Variants in KCND2 observed in about 807,000 individuals in gnomAD.
KCND2 encodes potassium voltage-gated channel subfamily D member 2, also known as A-type voltage-gated potassium channel KCND2.
KCND2 carries 16 observed loss-of-function variants against 54.4 expected under a neutral mutation model. That is an observed-to-expected ratio of 0.29 (90% CI 0.20 to 0.45). The LOEUF (loss-of-function observed/expected upper bound fraction) is 0.45, where lower values mean the gene tolerates loss of function less well. Ranked by LOEUF, KCND2 falls within the 20% of genes least tolerant of loss-of-function variation. KCND2 has a pLI of 1.00. For missense variants in KCND2, 486 were observed against 824.2 expected, an observed-to-expected ratio of 0.59 and a Z score of 5.02; for synonymous variants, 317 against 310.7, an observed-to-expected ratio of 1.02 and a Z score of -0.21.
chr7:120,699,912 A>T (rs905004940), intron 1 of KCND2, among the ~76,000 whole-genome samples: 11 of 152,200 alleles, frequency 7.2e-5, no homozygotes, highest in Admixed American at 6.5e-4. Context: ...TTTATGTAAA[A>T]GATATAAAGA....
At chr7:120,544,411 T>C (rs1386830387) in intron 1 of KCND2, among the ~76,000 whole-genome samples, 1 of 151,970 alleles carries the variant, frequency 6.6e-6, no homozygotes, top group African/African-American at 2.4e-5. Flanking sequence ...TTTCCTAAAA[T>C]GGAGTTATAA....
At chr7:120,520,872 A>G (rs1056297372) in intron 1 of KCND2, among the ~76,000 whole-genome samples, 3 of 152,120 alleles carry the variant, frequency 2.0e-5, no homozygotes, top group Non-Finnish European at 4.4e-5. Context: ...GCTTTCTTCC[A>G]TGTAGTGATT....
At chr7:120,598,830 G>T (rs1401020698) in intron 1 of KCND2, among the ~76,000 whole-genome samples, 1 of 152,050 alleles carries the variant, frequency 6.6e-6, no homozygotes, top group African/African-American at 2.4e-5. Flanking sequence ...TGAACATTTA[G>T]ATAGGCAAAT....
intron 1 of KCND2, among the ~76,000 whole-genome samples, chr7:120,682,371 G>T (rs1792150386): frequency 6.6e-6 from 1 of 152,032 alleles, no homozygotes; most frequent in South Asian, 2.1e-4. Context: ...TTCAGTAATG[G>T]TCACATTTCC....
intron 1 of KCND2, among the ~76,000 whole-genome samples, chr7:120,394,705 C>G (rs1801128181): frequency 6.6e-6 from 1 of 151,894 alleles, no homozygotes; most frequent in South Asian, 2.1e-4. Flanking sequence ...GCCCTACACC[C>G]AGGAATAAGC....
intron 1 of KCND2, among the ~76,000 whole-genome samples, chr7:120,425,959 T>TA (rs1220337690): frequency 6.6e-6 from 1 of 150,392 alleles, no homozygotes. Context: ...TTTTTTTTTT[T>TA]AGAACTAGTT....
At chr7:120,631,915 C>T (rs1394146142) in intron 1 of KCND2, among the ~76,000 whole-genome samples, 1 of 152,074 alleles carries the variant, frequency 6.6e-6, no homozygotes, top group Middle Eastern at 3.2e-3. Context: ...ATGTGGTAAG[C>T]ATTGTCCTCA....
chr7:120,293,555 G>T (rs1799467502), intron 1 of KCND2, among the ~76,000 whole-genome samples: 1 of 151,842 alleles, frequency 6.6e-6, no homozygotes, highest in Non-Finnish European at 1.5e-5. Context: ...GATGGACAGA[G>T]GAAAAGGGTC....
Position 120,275,647 on chromosome 7 carries a change from G to T in KCND2, c.1015G>T (p.Ala339Ser). The change falls in exon 1 of 6, where the codon GCT (alanine) becomes TCT (serine). Residue 339 changes from alanine (A) to serine (S), a missense_variant. By Grantham distance (99) the Ala-to-Ser change is moderately conservative (BLOSUM62 1). Coordinates refer to ENST00000331113, the MANE Select transcript of KCND2 (RefSeq NM_012281.3). ...FSLTMAIIIF[A>S]TVMFYAEKGS... ...GCTCACCATGGCTATCATCATCTTCGCTACAGTTATGTTCTACGCAGAGAA... is the reference window on the plus strand; with the variant it reads ...GCTCACCATGGCTATCATCATCTTCTCTACAGTTATGTTCTACGCAGAGAA... The T allele has an allele frequency of 6.2e-7, 1 of 1,607,310 alleles. No homozygotes were observed. Among genetic ancestry groups the T allele is most frequent in the South Asian group, 1.1e-5 (1 of 91,062 alleles).
At chr7:120,295,068 A>G (rs1460138538) in intron 1 of KCND2, among the ~76,000 whole-genome samples, 2 of 151,842 alleles carry the variant, frequency 1.3e-5, no homozygotes, top group Admixed American at 1.3e-4. Context: ...ATAAAGGGGA[A>G]TTATCTTGAC....
intron 1 of KCND2, among the ~76,000 whole-genome samples, chr7:120,689,693 T>C (rs1227093707): frequency 6.6e-6 from 1 of 152,228 alleles, no homozygotes; most frequent in Non-Finnish European, 1.5e-5. Context: ...ACATTGTGCT[T>C]CTTTGTAGCA....
chr7:120,633,215 A>G (rs532211838), intron 1 of KCND2, among the ~76,000 whole-genome samples: 90 of 152,280 alleles, frequency 5.9e-4, no homozygotes, highest in Middle Eastern at 3.4e-3. Context: ...TTTGTAACCA[A>G]TTGCTCTTTT....
chr7:120,644,901 T>C (rs1793419424), intron 1 of KCND2, among the ~76,000 whole-genome samples: 2 of 152,224 alleles, frequency 1.3e-5, no homozygotes, highest in Admixed American at 1.3e-4. Flanking sequence ...ATAATGAATA[T>C]TTATTGAATG....
chr7:120,357,224 A>T (rs1421256013), intron 1 of KCND2, among the ~76,000 whole-genome samples: 2 of 152,148 alleles, frequency 1.3e-5, no homozygotes, highest in Non-Finnish European at 2.9e-5. Flanking sequence ...ACCTCTAATA[A>T]TATTGAAAAG....
chr7:120,530,282 T>A (rs895230908), intron 1 of KCND2, among the ~76,000 whole-genome samples: 15 of 152,230 alleles, frequency 9.9e-5, no homozygotes, highest in Middle Eastern at 3.4e-3. Context: ...CTCATGTAAC[T>A]CATAAATATA....
At chr7:120,720,615 G>T (rs1261451009) in intron 1 of KCND2, among the ~76,000 whole-genome samples, 1 of 152,146 alleles carries the variant, frequency 6.6e-6, no homozygotes, top group Admixed American at 6.6e-5. Context: ...TTTGCATCTT[G>T]TAAGGCAGTT....
rs114471859 is a variant in KCND2 at position 120,425,686 on chromosome 7, C to T, written c.1115+149939C>T. ...GCAACACTGTACTGTAAGCATGCTA[C>T]GAAGACCTGTTCTCTGGTTGTAGAC... On this transcript the variant is annotated intron_variant, in intron 1 of 5. Coordinates refer to ENST00000331113, the MANE Select transcript of KCND2 (RefSeq NM_012281.3). Among the ~76,000 whole-genome samples, 310 of 152,354 alleles carry T rather than the reference C, an allele frequency of 2.0e-3. 1 individual carries two copies. The highest frequency in any genetic ancestry group is 7.2e-3 in the African/African-American group (301 of 41,592).
rs921193062 is a variant in KCND2, at chr7:120,376,318, C to T, written c.1115+100571C>T. Among the ~76,000 whole-genome samples the T allele has an allele frequency of 1.6e-4, 24 of 151,724 alleles. No individual in the cohort carries two copies. In the Admixed American group the frequency reaches 1.6e-3, roughly 10 times the overall value. On this transcript the variant is annotated intron_variant, in intron 1 of 5. Transcript: ENST00000331113. Reference sequence around the variant, plus strand: ...TATACTATGAGCTAAGAACAATTGTCAATCCTTGCAAACGTCTTCTGCCAA... The same window carrying T: ...TATACTATGAGCTAAGAACAATTGTTAATCCTTGCAAACGTCTTCTGCCAA...
chr7:120,638,199 A>G (rs955986407), intron 1 of KCND2, among the ~76,000 whole-genome samples: 2 of 152,094 alleles, frequency 1.3e-5, no homozygotes, highest in Admixed American at 1.3e-4. Flanking sequence ...ATGTTTTTAT[A>G]TTTCCCATTT....
Sources: allele counts gnomAD v4.1 joint callset (sites outside exome capture counted in the v4.1 genomes callset), GRCh38; gene constraint gnomAD v4.1.1; transcripts MANE v1.5; gene names NCBI Gene and HGNC (gene_info 2026-07-23, HGNC 2026-07-21).